The following CACNA2D4 variants were observed in gnomAD, a reference collection of about 807,000 sequenced individuals.
CACNA2D4 encodes the protein voltage-dependent calcium channel subunit alpha-2/delta-4.
Under a neutral mutation model 163.8 loss-of-function variants are expected in CACNA2D4, and 157 were observed. The ratio of observed to expected loss-of-function variants is 0.96; its 90% CI spans 0.84 to 1.09. The LOEUF (loss-of-function observed/expected upper bound fraction) is 1.09. Among genes scored for constraint, CACNA2D4 ranks in the 50% least tolerant of loss-of-function variants. The probability of loss-of-function intolerance (pLI) is 0.00; values close to 1 mark genes in which losing one functional copy is unlikely to be tolerated. For missense variants in CACNA2D4, 1,410 were observed against 1,479.9 expected (o/e 0.95, Z 0.78); for synonymous variants, 598 against 586.9 (o/e 1.02, Z -0.27).
chr12:1,800,844 G>C (rs925890274), intron 31 of CACNA2D4, 199 bp downstream of exon 31: 1 of 604,848 alleles, frequency 1.7e-6, no homozygotes, highest in East Asian at 2.7e-5. Context: ...TCCCTCTGAA[G>C]CCCCAAAGCC....
chr12:1,908,580 C>A (rs1403081728), intron 4 of CACNA2D4, among the ~76,000 whole-genome samples: 1 of 152,082 alleles, frequency 6.6e-6, no homozygotes. Flanking sequence ...TCCACACGAC[C>A]GGGTTCACAC....
At chr12:1,908,160 C>T in intron 4 of CACNA2D4, 123 bp from the exon 5 acceptor site, 1 of 999,684 alleles carries the variant, frequency 1.0e-6, no homozygotes, top group Admixed American at 2.4e-5. Context: ...TCAGAGTCTA[C>T]ACAAGCACCC....
In CACNA2D4 at chr12:1,828,133, A is replaced by G. The variant is rs1329801371; in HGVS notation, c.2551+12606T>C. ...CTCCCCAGAGCGACAGGGCCCGGAGAGCCGTGGGCCTCACCATGCTGGCGC... is the reference window on the plus strand; with the variant it reads ...CTCCCCAGAGCGACAGGGCCCGGAGGGCCGTGGGCCTCACCATGCTGGCGC... On this transcript the variant is annotated intron_variant, in intron 26 of 37. Transcript: ENST00000382722. This position sits in a 1 kb window ranked among gnomAD's most constrained non-coding sequence, Gnocchi z 4.2. 1 of 1,525,778 alleles carries G rather than the reference A, an allele frequency of 6.6e-7. No individual in the cohort carries two copies. The highest frequency in any genetic ancestry group is 8.8e-7 in the Non-Finnish European group (1 of 1,134,742). The allele number at this position is 1,525,778 out of a possible 1,614,324, so 94.5% of individuals were successfully genotyped here.
At position 1,800,367 on chromosome 12, in the gene CACNA2D4, CGT is replaced by C. The variant is rs1863271679; in HGVS notation, c.2921+17_2921+18del. The C allele has an allele frequency of 6.2e-7, 1 of 1,613,426 alleles. No homozygotes were observed. Among genetic ancestry groups the C allele is most frequent in the Admixed American group, 1.7e-5 (1 of 59,998 alleles). ...CTCGCATGCAGCCCTCCACCAGCCC[CGT>C]GTCTACCCCCACTCACAGCACCAGC... is the stretch of plus-strand genomic sequence containing the variant. On this transcript the variant is annotated intron_variant, in intron 32 of 37. Transcript: ENST00000382722.
At chr12:1,801,184 G>C (rs1285353191) in intron 30 of CACNA2D4, 66 bp from the exon 31 acceptor site, 14 of 1,351,408 alleles carry the variant, frequency 1.0e-5, no homozygotes, top group Non-Finnish European at 1.5e-5. Flanking sequence ...TGCCTCAGGA[G>C]GCTTTACTAG....
intron 6 of CACNA2D4, among the ~76,000 whole-genome samples, chr12:1,900,551 T>C (rs902741191): frequency 1.6e-4 from 25 of 152,330 alleles, no homozygotes; most frequent in African/African-American, 5.8e-4. Context: ...AATTTGGAAT[T>C]TTCTTTTCAA....
Position 1,917,061 on chromosome 12 carries a change from G to A in CACNA2D4, c.227+1186C>T, listed in dbSNP as rs1401364190. Among the ~76,000 whole-genome samples, 1 of 152,190 alleles carries A rather than the reference G, an allele frequency of 6.6e-6. No homozygotes were observed. Among genetic ancestry groups the A allele is most frequent in the Non-Finnish European group, 1.5e-5 (1 of 68,044 alleles). ...AAAATTGTTCTGAACATCTCCTGCA[G>A]CAACAGATAGCGTTACGGGCTGGCG... On this transcript the variant is annotated intron_variant, in intron 1 of 37. Coordinates refer to ENST00000382722, the MANE Select transcript of CACNA2D4 (RefSeq NM_172364.5). The surrounding 1 kb of genome is among the most constrained non-coding windows in gnomAD (Gnocchi z 4.3).
chr12:1,907,124 G>A (rs1272070730), intron 6 of CACNA2D4, among the ~76,000 whole-genome samples: 2 of 152,226 alleles, frequency 1.3e-5, no homozygotes, highest in Admixed American at 6.5e-5. Context: ...AAGTCCTTAA[G>A]GTAAAGAATT....
intron 9 of CACNA2D4, 83 bp downstream of exon 9, chr12:1,885,882 A>T: frequency 9.9e-7 from 1 of 1,008,926 alleles, no homozygotes; most frequent in Non-Finnish European, 1.5e-6. Context: ...AAAAAGGGCC[A>T]CAGAAACAGT....
intron 23 of CACNA2D4, among the ~76,000 whole-genome samples, chr12:1,850,023 A>G (rs1865238715): frequency 6.6e-6 from 1 of 152,234 alleles, no homozygotes. Context: ...TAAAGGTGCT[A>G]TAATGAGCAG....
chr12:1,879,175 G>A, intron 14 of CACNA2D4, 139 bp from the exon 15 acceptor site: 1 of 630,752 alleles, frequency 1.6e-6, no homozygotes, highest in Non-Finnish European at 2.8e-6. Flanking sequence ...TTAGATTCTA[G>A]GCTGGGAATA....
At chr12:1,864,975 C>A (rs758459698) in intron 18 of CACNA2D4, among the ~76,000 whole-genome samples, 1 of 152,116 alleles carries the variant, frequency 6.6e-6, no homozygotes, top group Non-Finnish European at 1.5e-5. Flanking sequence ...CTCGCCGCGC[C>A]GCTCCCGGGT....
chr12:1,842,118 G>A (rs551859569), intron 25 of CACNA2D4, among the ~76,000 whole-genome samples: 1 of 152,204 alleles, frequency 6.6e-6, no homozygotes, highest in Non-Finnish European at 1.5e-5. Context: ...AGACCCTAAT[G>A]AGGCAGTCTC....
At chr12:1,879,740 A>G in intron 14 of CACNA2D4, 64 bp downstream of exon 14, 1 of 1,315,376 alleles carries the variant, frequency 7.6e-7, no homozygotes, top group Non-Finnish European at 1.1e-6. Flanking sequence ...TCACTGGTCT[A>G]AAGATGGCAC....
chr12:1,911,013 G>C (rs959791176), intron 3 of CACNA2D4, among the ~76,000 whole-genome samples: 1 of 144,936 alleles, frequency 6.9e-6, no homozygotes, highest in Non-Finnish European at 1.5e-5. Context: ...GTATTTTACC[G>C]CAATACAATT....
At position 1,878,223 on chromosome 12, in the gene CACNA2D4, C is replaced by T; in HGVS notation, c.1719+92G>A. ...TTACCCACTGGGTTCCTAAATGGAG[C>T]CCAATGTGTGTTTGTTGTTTTAATC... On this transcript the variant is annotated intron_variant, in intron 16 of 37. Coordinates refer to ENST00000382722, the MANE Select transcript of CACNA2D4 (RefSeq NM_172364.5). This position sits in a 1 kb window ranked among gnomAD's most constrained non-coding sequence, Gnocchi z 4.6. 1.4e-6 allele frequency: 2 copies of T among 1,407,094 alleles called. No homozygotes were observed. The highest frequency in any genetic ancestry group is 2.5e-5 in the East Asian group (1 of 40,108). The allele number at this position is 1,407,094 out of a possible 1,614,324, so 87.2% of individuals were successfully genotyped here. A position where few individuals can be genotyped will look rare whatever the true frequency, so the allele number is the denominator to read the frequency against.
rs1017067716 is a variant in CACNA2D4, at chr12:1,915,017, C to T, written c.228-82G>A. 9 of 1,028,850 alleles carry T rather than the reference C, an allele frequency of 8.7e-6. No individual in the cohort carries two copies. In the Admixed American group the frequency reaches 1.4e-4, roughly 16 times the overall value. The allele number at this position is 1,028,850 out of a possible 1,614,324, so 63.7% of individuals were successfully genotyped here. ...ACACACGCGTAGACATATGGGTTCACACACATAGAAAGCCAGTGTCTACAC... is the reference window on the plus strand; with the variant it reads ...ACACACGCGTAGACATATGGGTTCATACACATAGAAAGCCAGTGTCTACAC... On this transcript the variant is annotated intron_variant, in intron 1 of 37. Coordinates refer to ENST00000382722, the MANE Select transcript of CACNA2D4 (RefSeq NM_172364.5).
intron 26 of CACNA2D4, among the ~76,000 whole-genome samples, chr12:1,812,273 G>A (rs1476455330): frequency 6.6e-6 from 1 of 152,168 alleles, no homozygotes; most frequent in Non-Finnish European, 1.5e-5. Flanking sequence ...TCAAAGCCAG[G>A]TTCGGGTTTG....
rs765643445 is a variant in CACNA2D4 at position 1,878,290 on chromosome 12, C to T, written c.1719+25G>A. 6.3e-7 allele frequency: 1 copy of T among 1,598,834 alleles called. No homozygotes were observed. Among genetic ancestry groups the T allele is most frequent in the Non-Finnish European group, 8.5e-7 (1 of 1,172,758 alleles). On this transcript the variant is annotated intron_variant, in intron 16 of 37. Transcript: ENST00000382722. The surrounding 1 kb of genome is among the most constrained non-coding windows in gnomAD (Gnocchi z 4.6). ...CCCAAATCCCATACAGTAAGGATCC[C>T]AAGGCAAAGAAGATCTGTACCTACC...
Sources: gnomAD v4.1 joint callset for allele counts (sites outside exome capture counted in the v4.1 genomes callset) on GRCh38, gnomAD v4.1.1 for gene constraint, Gnocchi (gnomAD v3.1) non-coding constraint, MANE v1.5 for transcripts, NCBI Gene and HGNC (gene_info 2026-07-23, HGNC 2026-07-21) for gene names.